TRIP13: variants seen among roughly 807,000 people sequenced by gnomAD.
TRIP13 encodes pachytene checkpoint protein 2 homolog.
Under a neutral mutation model 54.4 loss-of-function variants are expected in TRIP13, and 25 were observed. That is an observed-to-expected ratio of 0.46 (90% confidence interval 0.33 to 0.64). The LOEUF (loss-of-function observed/expected upper bound fraction) is 0.64, where lower values mean the gene tolerates loss of function less well. TRIP13 is among the 30% of genes least tolerant of loss of function. The pLI is 0.02. For synonymous variants in TRIP13, 207 were observed against 207.8 expected (o/e 1.00, Z 0.03); for missense variants, 373 against 534.2 (o/e 0.70, Z 2.97).
chr5:909,768 G>A (rs1400797643), intron 9 of TRIP13, among the ~76,000 whole-genome samples: 1 of 152,240 alleles, frequency 6.6e-6, no homozygotes, highest in Non-Finnish European at 1.5e-5. Flanking sequence ...GAAACGAAGG[G>A]ATAGGCCGAA....
At chr5:916,626 G>A (rs1028614436) in intron 12 of TRIP13, among the ~76,000 whole-genome samples, 4 of 152,160 alleles carry the variant, frequency 2.6e-5, no homozygotes, top group African/African-American at 9.7e-5. Context: ...TGACAGCTCT[G>A]GGCACTGGGC....
intron 1 of TRIP13, among the ~76,000 whole-genome samples, chr5:893,377 A>G (rs528614495): frequency 1.3e-5 from 2 of 151,790 alleles, no homozygotes; most frequent in East Asian, 1.9e-4. Flanking sequence ...CCTGGCCCTG[A>G]CCCTGCCCCT....
chr5:911,433 C>T lies in TRIP13; in HGVS notation c.867-410C>T, dbSNP rs375392095. Among the ~76,000 whole-genome samples the T allele has an allele frequency of 9.9e-5, 15 of 152,168 alleles. No homozygotes were observed. The East Asian group carries it at 2.9e-3, about 29-fold the overall frequency. ...AAAAATACAAAAAATTAGCCGGGCACGGTGGCGGGCGCCTGTAGTCCCGGC... is the reference window on the plus strand; with the variant it reads ...AAAAATACAAAAAATTAGCCGGGCATGGTGGCGGGCGCCTGTAGTCCCGGC... On this transcript the variant is annotated intron_variant, in intron 9 of 12. Coordinates refer to ENST00000166345, the MANE Select transcript of TRIP13 (RefSeq NM_004237.4). This position sits in a 1 kb window ranked among gnomAD's most constrained non-coding sequence, Gnocchi z 4.7.
Position 912,076 on chromosome 5 carries a change from C to A in TRIP13, c.1020+80C>A. 1 of 1,519,016 alleles carries A rather than the reference C, an allele frequency of 6.6e-7. No homozygotes were observed. Among genetic ancestry groups the A allele is most frequent in the Non-Finnish European group, 8.8e-7 (1 of 1,130,456 alleles). 94.1% of individuals were successfully genotyped at this position (1,519,016 alleles called of 1,614,324 possible). ...ATTAATTAAGATAGCTTAAAATAAG[C>A]TCGTTCCAGTACGGAGGATTTCAAC... On this transcript the variant is annotated intron_variant, in intron 10 of 12. Transcript: ENST00000166345. This position sits in a 1 kb window ranked among gnomAD's most constrained non-coding sequence, Gnocchi z 7.2.
At position 908,733 on chromosome 5, in the gene TRIP13, C is replaced by T. The variant is rs112632734; in HGVS notation, c.866+272C>T. The T allele has an allele frequency of 6.0e-5, 64 of 1,064,420 alleles. 1 individual carries two copies. In the African/African-American group the frequency reaches 7.6e-4, roughly 13 times the overall value. 65.9% of individuals were successfully genotyped at this position (1,064,420 alleles called of 1,614,324 possible). A position where few individuals can be genotyped will look rare whatever the true frequency, so the allele number is the denominator to read the frequency against. On this transcript the variant is annotated intron_variant, in intron 9 of 12. Transcript: ENST00000166345. The surrounding 1 kb of genome is among the most constrained non-coding windows in gnomAD (Gnocchi z 5.2). Reference sequence around the variant, plus strand: ...CAGCACTTTGGGAGGCCGAGGCAGGCGGATCACAAGGTCAGTAGATTGAGA... The same window carrying T: ...CAGCACTTTGGGAGGCCGAGGCAGGTGGATCACAAGGTCAGTAGATTGAGA...
chr5:894,487 G>GC (rs1431041301), intron 1 of TRIP13, among the ~76,000 whole-genome samples: 2 of 152,200 alleles, frequency 1.3e-5, no homozygotes, highest in Admixed American at 1.3e-4. Context: ...TATGTGCCAG[G>GC]TATCGTCCTA....
In TRIP13 at chr5:893,097, C is replaced by G. The variant is rs372025378; in HGVS notation, c.92+7C>G. 5.1e-6 allele frequency: 8 copies of G among 1,583,352 alleles called. No homozygotes were observed. The highest frequency in any genetic ancestry group is 4.6e-5 in the South Asian group (4 of 87,308). ...TGCATCAGCGCGGCAGCAGGTGAGC[C>G]GGACCTGTCCGACACATCCTCTGGG... On this transcript the variant is annotated splice_region_variant and intron_variant, in intron 1 of 12. Coordinates refer to ENST00000166345, the MANE Select transcript of TRIP13 (RefSeq NM_004237.4).
At chr5:919,061 T>A (rs1754383825), downstream of TRIP13, 1 of 152,242 alleles carries the variant, frequency 6.6e-6, no homozygotes, top group Non-Finnish European at 1.5e-5. Flanking sequence ...ATATTCTTGC[T>A]GCCGAAGAAA....
intron 1 of TRIP13, 24 bp from the exon 2 acceptor site, chr5:894,763 G>A (rs770053138): frequency 8.2e-6 from 13 of 1,579,566 alleles, no homozygotes; most frequent in Non-Finnish European, 1.1e-5. Flanking sequence ...GATCATTTAT[G>A]TGTGTTTTGG....
chr5:900,380 C>A, intron 3 of TRIP13, 114 bp from the exon 4 acceptor site: 1 of 1,014,828 alleles, frequency 9.9e-7, no homozygotes, highest in Non-Finnish European at 1.5e-6. Flanking sequence ...GAATCATAGT[C>A]TTGCCTGGAG....
Position 908,597 on chromosome 5 carries a change from C to T in TRIP13, c.866+136C>T. On this transcript the variant is annotated intron_variant, in intron 9 of 12. Coordinates refer to ENST00000166345, the MANE Select transcript of TRIP13 (RefSeq NM_004237.4). The surrounding 1 kb of genome is among the most constrained non-coding windows in gnomAD (Gnocchi z 5.2). ...AAGTGCATTTGGCATTGAGTATCGA[C>T]TCCTTTTCCACATTGGAAGCAGCAT... is the stretch of plus-strand genomic sequence containing the variant. 4 of 1,490,406 alleles carry T rather than the reference C, an allele frequency of 2.7e-6. No individual in the cohort carries two copies. The South Asian group carries it at 5.2e-5, about 19-fold the overall frequency. The allele number at this position is 1,490,406 out of a possible 1,614,324, so 92.3% of individuals were successfully genotyped here.
In TRIP13 at chr5:907,487, C is replaced by T. The variant is rs766092844; in HGVS notation, c.672+294C>T. On this transcript the variant is annotated intron_variant, in intron 7 of 12. Transcript: ENST00000166345. The surrounding 1 kb of genome is among the most constrained non-coding windows in gnomAD (Gnocchi z 4.1). ...GCCATGCATGTCCTTGGTGCTCATG[C>T]GCCCTAGCACTGTCTGTGAGTTGAG... Among the ~76,000 whole-genome samples the T allele has an allele frequency of 2.6e-5, 4 of 152,178 alleles. No individual in the cohort carries two copies. The highest frequency in any genetic ancestry group is 7.2e-5 in the African/African-American group (3 of 41,446).
Position 915,328 on chromosome 5 carries a change from G to T in TRIP13, c.1134-576G>T, listed in dbSNP as rs1020740171. On this transcript the variant is annotated intron_variant, in intron 11 of 12. Transcript: ENST00000166345. The surrounding 1 kb of genome is among the most constrained non-coding windows in gnomAD (Gnocchi z 4.2). ...ATGTGCCCGCTGCATCGTGCCTTAC[G>T]CCTGGTGCTCCCAGGCAGGTGATGC... Among the ~76,000 whole-genome samples, 1 of 152,218 alleles carries T rather than the reference G, an allele frequency of 6.6e-6. No homozygotes were observed. Among genetic ancestry groups the T allele is most frequent in the Admixed American group, 6.5e-5 (1 of 15,282 alleles).
At chr5:903,136 C>G (rs913243497) in intron 5 of TRIP13, among the ~76,000 whole-genome samples, 1 of 151,950 alleles carries the variant, frequency 6.6e-6, no homozygotes, top group African/African-American at 2.4e-5. Context: ...CTAAACTCCC[C>G]GGGGGAAAGG....
At chr5:905,349 C>A (rs902682741) in intron 6 of TRIP13, among the ~76,000 whole-genome samples, 2 of 152,182 alleles carry the variant, frequency 1.3e-5, no homozygotes, top group African/African-American at 4.8e-5. Context: ...CAGGGAATGT[C>A]CCCTGCTCAC....
chr5:914,337 A>C (rs757132869), intron 10 of TRIP13, 128 bp from the exon 11 acceptor site: 1 of 679,878 alleles, frequency 1.5e-6, no homozygotes. Flanking sequence ...TTGAGTCGTC[A>C]CCGTCTGGAT....
chr5:900,241 G>T (rs907614790), intron 3 of TRIP13, among the ~76,000 whole-genome samples: 1 of 152,246 alleles, frequency 6.6e-6, no homozygotes. Context: ...GACGTAAAGT[G>T]TAATTCTTTG....
At chr5:916,982 T>C (rs1317104839) in intron 12 of TRIP13, 26 bp from the exon 13 acceptor site, 1 of 1,608,532 alleles carries the variant, frequency 6.2e-7, no homozygotes, top group Non-Finnish European at 8.5e-7. Context: ...GTTGAGCCCC[T>C]CCAGCAATGA....
chr5:917,479 G>T lies in TRIP13; in HGVS notation c.*376G>T, dbSNP rs115079969. On this transcript the variant is annotated 3_prime_UTR_variant, in exon 13 of 13. Coordinates refer to ENST00000166345, the MANE Select transcript of TRIP13 (RefSeq NM_004237.4). Reference sequence around the variant, plus strand: ...ATTAATGCAGGTGTTATAGAAGCCAGAAGAGAAACTGTGTCACCCTAAAGA... The same window carrying T: ...ATTAATGCAGGTGTTATAGAAGCCATAAGAGAAACTGTGTCACCCTAAAGA... 7.0e-3 allele frequency: 1,225 copies of T among 173,922 alleles called. 6 individuals are homozygous for T. The highest frequency in any genetic ancestry group is 0.013 in the Admixed American group (203 of 15,946). The allele number at this position is 173,922 out of a possible 1,614,324, so 10.8% of individuals were successfully genotyped here.
Sources: gnomAD v4.1 joint callset for allele counts (sites outside exome capture counted in the v4.1 genomes callset) on GRCh38, gnomAD v4.1.1 for gene constraint, Gnocchi (gnomAD v3.1) non-coding constraint, MANE v1.5 for transcripts, NCBI Gene and HGNC (gene_info 2026-07-23, HGNC 2026-07-21) for gene names.